ASTN2: variants seen among roughly 807,000 people sequenced by gnomAD.
ASTN2 encodes the protein astrotactin-2.
A neutral mutation model predicts 139.8 loss-of-function variants in ASTN2; 54 were observed. The observed-to-expected ratio is 0.39, with a 90% confidence interval of 0.31 to 0.48. The LOEUF is 0.48. Among genes scored for constraint, ASTN2 ranks in the 20% least tolerant of loss-of-function variants. The pLI is 0.95. For missense variants in ASTN2, 1,565 were observed against 1,725.1 expected, an observed-to-expected ratio of 0.91 and a Z score of 1.64; for synonymous variants, 756 against 719.5, an observed-to-expected ratio of 1.05 and a Z score of -0.81.
intron 11 of ASTN2, among the ~76,000 whole-genome samples, chr9:116,844,599 G>GAAA (rs544166495): frequency 7.8e-6 from 1 of 127,816 alleles, no homozygotes. Context: ...TGCTACGGAG[G>GAAA]AAAAAAAAAA....
Position 116,487,359 on chromosome 9 carries a change from T to C in ASTN2, c.3497A>G (p.Lys1166Arg). The C allele has an allele frequency of 1.2e-6, 2 of 1,613,924 alleles. No homozygotes were observed. The highest frequency in any genetic ancestry group is 1.7e-6 in the Non-Finnish European group (2 of 1,179,894). Residue 1166 changes from lysine to arginine, a missense_variant and splice_region_variant, in exon 20 of 23, where the codon AAG becomes AGG. This residue lies in a region of ASTN2 where 418 missense variants were observed against 465.8 expected (regional missense o/e 0.90). Transcript: ENST00000313400. ...TCCCCACACACCCAACACATCTTAC[T>C]TGTAGAGACCGTCGGGCTCCAGACA... ...FKCLEPDGLYKFTLYAVDTRG... is the reference protein window; with the variant it reads ...FKCLEPDGLYRFTLYAVDTRG...
intron 13 of ASTN2, among the ~76,000 whole-genome samples, chr9:116,803,802 G>C (rs1451030496): frequency 6.6e-6 from 1 of 151,408 alleles, no homozygotes; most frequent in East Asian, 1.9e-4. Context: ...GGGATTACAG[G>C]TGTGAGCCAC....
intron 2 of ASTN2, among the ~76,000 whole-genome samples, chr9:117,252,172 A>G (rs1833557349): frequency 6.6e-6 from 1 of 152,174 alleles, no homozygotes. Flanking sequence ...CTCATTTGAT[A>G]AAGAGGCCAG....
At chr9:117,132,456 C>T (rs1829849678) in intron 4 of ASTN2, among the ~76,000 whole-genome samples, 1 of 152,192 alleles carries the variant, frequency 6.6e-6, no homozygotes, top group Admixed American at 6.5e-5. Flanking sequence ...TCCCTAGGCC[C>T]CACCAGGATC....
At chr9:116,824,609 A>G (rs4837915) in intron 11 of ASTN2, among the ~76,000 whole-genome samples, 120,899 of 152,200 alleles carry the variant, frequency 0.79, 48,212 homozygotes, top group East Asian at 0.91. Flanking sequence ...GACTTTGTAG[A>G]GGTAGGCCAG....
intron 16 of ASTN2, among the ~76,000 whole-genome samples, chr9:116,701,561 A>T (rs1861169704): frequency 6.6e-6 from 1 of 152,190 alleles, no homozygotes; most frequent in Non-Finnish European, 1.5e-5. Context: ...AGAGAAATAT[A>T]ATATTGTGGG....
At chr9:116,492,791 C>A (rs1007425111) in intron 19 of ASTN2, among the ~76,000 whole-genome samples, 14 of 152,094 alleles carry the variant, frequency 9.2e-5, no homozygotes, top group Admixed American at 8.5e-4. Flanking sequence ...GAGAAAGACA[C>A]AAAGTCTCCA....
At chr9:116,753,223 C>T (rs917986753) in intron 13 of ASTN2, among the ~76,000 whole-genome samples, 2 of 152,132 alleles carry the variant, frequency 1.3e-5, no homozygotes, top group Non-Finnish European at 2.9e-5. Context: ...ATCTTAAATC[C>T]ACATTGCTAC....
intron 19 of ASTN2, among the ~76,000 whole-genome samples, chr9:116,613,912 A>G (rs1855692498): frequency 2.0e-5 from 3 of 152,194 alleles, no homozygotes; most frequent in Admixed American, 1.3e-4. Context: ...AGGGTATTCA[A>G]TTAGGAAAAG....
chr9:116,591,047 G>A (rs992755872), intron 19 of ASTN2, among the ~76,000 whole-genome samples: 5 of 152,184 alleles, frequency 3.3e-5, no homozygotes, highest in African/African-American at 7.2e-5. Flanking sequence ...ACAAGAACTC[G>A]AGACTTGCCA....
chr9:117,389,806 A>T (rs1311810555), intron 1 of ASTN2, among the ~76,000 whole-genome samples: 3 of 152,134 alleles, frequency 2.0e-5, no homozygotes, highest in Non-Finnish European at 4.4e-5. Flanking sequence ...AGGGGCCCAC[A>T]GACAATTAAC....
intron 10 of ASTN2, among the ~76,000 whole-genome samples, chr9:116,950,127 C>T (rs1279581895): frequency 6.6e-6 from 1 of 152,200 alleles, no homozygotes; most frequent in African/African-American, 2.4e-5. Context: ...ATCTTGCCAG[C>T]ATTGGTATTT....
At chr9:117,165,935 T>C (rs1830660941) in intron 3 of ASTN2, among the ~76,000 whole-genome samples, 1 of 152,112 alleles carries the variant, frequency 6.6e-6, no homozygotes, top group South Asian at 2.1e-4. Flanking sequence ...GCCGTTATCA[T>C]AGGAACATCT....
intron 5 of ASTN2, among the ~76,000 whole-genome samples, chr9:117,044,379 G>A (rs1395351886): frequency 6.6e-6 from 1 of 152,210 alleles, no homozygotes; most frequent in Non-Finnish European, 1.5e-5. Flanking sequence ...GAGGATGAAA[G>A]CATGCAGGTC....
At chr9:116,887,988 A>G (rs941838228) in intron 10 of ASTN2, among the ~76,000 whole-genome samples, 13 of 152,218 alleles carry the variant, frequency 8.5e-5, no homozygotes, top group Admixed American at 7.9e-4. Context: ...TTACATCTTA[A>G]AGGATAAATC....
At chr9:117,178,432 G>A (rs1830971954) in intron 3 of ASTN2, among the ~76,000 whole-genome samples, 1 of 152,154 alleles carries the variant, frequency 6.6e-6, no homozygotes, top group Non-Finnish European at 1.5e-5. Context: ...GGACAGATCT[G>A]TGTGCCCAGT....
At chr9:117,120,018 G>GTGTGTATATATATA (rs1306397698) in intron 4 of ASTN2, among the ~76,000 whole-genome samples, 2,648 of 45,540 alleles carry the variant, frequency 0.058, 139 homozygotes, top group Non-Finnish European at 0.083. Context: ...GTGTGTGTGT[G>GTGTGTATATATATA]TATATATATA....
At chr9:116,749,570 T>A (rs1361506574) in intron 13 of ASTN2, among the ~76,000 whole-genome samples, 1 of 152,188 alleles carries the variant, frequency 6.6e-6, no homozygotes, top group Non-Finnish European at 1.5e-5. Context: ...TCTCTTCCTA[T>A]CACAGCATGC....
At chr9:116,893,412 A>T (rs1833810960) in intron 10 of ASTN2, among the ~76,000 whole-genome samples, 1 of 152,142 alleles carries the variant, frequency 6.6e-6, no homozygotes, top group African/African-American at 2.4e-5. Flanking sequence ...GCTCAGCAGG[A>T]CTGCAGGTGC....
Sources: allele counts gnomAD v4.1 joint callset (sites outside exome capture counted in the v4.1 genomes callset), GRCh38; gene constraint gnomAD v4.1.1; regional missense constraint gnomAD v4.1.1; transcripts MANE v1.5; gene names NCBI Gene and HGNC (gene_info 2026-07-23, HGNC 2026-07-21).